Variants in SYT2 observed in about 807,000 individuals in gnomAD.
The protein encoded by SYT2 is synaptotagmin-2.
In SYT2, 15 loss-of-function variants were observed where a neutral mutation model predicts 39.9. The observed-to-expected ratio is 0.38, with a 90% CI of 0.25 to 0.58. The LOEUF (loss-of-function observed/expected upper bound fraction) is 0.58, where lower values mean the gene tolerates loss of function less well. SYT2 is among the 20% of genes least tolerant of loss of function. The pLI, the probability that SYT2 is intolerant of heterozygous loss-of-function variation, is 0.70. For missense variants in SYT2, 389 were observed against 530.3 expected, an observed-to-expected ratio of 0.73 and a Z score of 2.62; for synonymous variants, 181 against 204.5, an observed-to-expected ratio of 0.89 and a Z score of 0.98.
intron 1 of SYT2, among the ~76,000 whole-genome samples, chr1:202,616,347 C>T (rs1195358715): frequency 8.5e-5 from 13 of 152,102 alleles, no homozygotes; most frequent in Non-Finnish European, 1.8e-4. Context: ...CTTTGCCATC[C>T]CTGCCCTTTC....
intron 1 of SYT2, among the ~76,000 whole-genome samples, chr1:202,644,786 A>C (rs1399363125): frequency 6.6e-6 from 1 of 152,070 alleles, no homozygotes; most frequent in Non-Finnish European, 1.5e-5. Flanking sequence ...GAGTCTGGGG[A>C]ACCGGGAAAT....
intron 1 of SYT2, among the ~76,000 whole-genome samples, chr1:202,631,380 C>T (rs758469540): frequency 1.3e-5 from 2 of 152,224 alleles, no homozygotes; most frequent in Non-Finnish European, 2.9e-5. Context: ...GTAAACACAG[C>T]TAGCCTGCAT....
rs1006708367 is a variant in SYT2, at chr1:202,628,064, T to C, written c.-17-22275A>G. 6.6e-6 allele frequency among the ~76,000 whole-genome samples: 1 copy of C among 151,954 alleles called. No homozygotes were observed. Among genetic ancestry groups the C allele is most frequent in the Admixed American group, 6.6e-5 (1 of 15,264 alleles). On this transcript the variant is annotated intron_variant, in intron 1 of 8. Transcript: ENST00000367268. This position sits in a 1 kb window ranked among gnomAD's most constrained non-coding sequence, Gnocchi z 4.2. ...TGGGAAGGTGGGTCTAACGGGAAGA[T>C]CACAAAGGCACCGGGCTCAGAGGTG... is the stretch of plus-strand genomic sequence containing the variant.
intron 1 of SYT2, among the ~76,000 whole-genome samples, chr1:202,681,908 G>C (rs559838169): frequency 6.6e-6 from 1 of 152,288 alleles, no homozygotes; most frequent in Admixed American, 6.5e-5. Flanking sequence ...GCCTCCGTGG[G>C]GATCAGATCC....
intron 1 of SYT2, among the ~76,000 whole-genome samples, chr1:202,659,994 T>C (rs1159949086): frequency 1.3e-5 from 2 of 152,142 alleles, no homozygotes; most frequent in Non-Finnish European, 2.9e-5. Context: ...GGTCCTTCAA[T>C]GAAAACAAAC....
Position 202,602,533 on chromosome 1 carries a change from C to G in SYT2, c.478G>C (p.Val160Leu). The G allele has an allele frequency of 6.2e-7, 1 of 1,612,818 alleles. No homozygotes were observed. Among genetic ancestry groups the G allele is most frequent in the Non-Finnish European group, 8.5e-7 (1 of 1,179,584 alleles). Residue 160 changes from valine (V) to leucine (L), a missense_variant, in exon 5 of 9, where the codon GTT (valine) becomes CTT (leucine). Val to Leu is a conservative substitution (Grantham distance 32). This residue lies in a region of SYT2 where 280 missense variants were observed against 335.6 expected (regional missense o/e 0.83). Coordinates refer to ENST00000367268, the MANE Select transcript of SYT2 (RefSeq NM_177402.5). ...GCAGGCAGTTCAGCAGCCTGCAGAA[C>G]GCCCACAGTAAGCTGTGGAGAGAGA... ...DFQANQLTVG[V>L]LQAAELPALD...
chr1:202,617,234 C>T (rs559624043), intron 1 of SYT2, among the ~76,000 whole-genome samples: 45 of 152,334 alleles, frequency 3.0e-4, no homozygotes, highest in Admixed American at 2.7e-3. Context: ...GGATCTGTGT[C>T]CCTGCCCAAA....
chr1:202,681,629 C>T (rs1653527949), intron 1 of SYT2, among the ~76,000 whole-genome samples: 2 of 152,304 alleles, frequency 1.3e-5, no homozygotes, highest in East Asian at 1.9e-4. Flanking sequence ...GCAGGACCAG[C>T]CTAATGATCG....
In SYT2 at chr1:202,671,170, T is replaced by C. The variant is rs114013288; in HGVS notation, c.-18+39088A>G. Among the ~76,000 whole-genome samples the C allele has an allele frequency of 3.4e-3, 525 of 152,334 alleles. 1 individual carries two copies. The highest frequency in any genetic ancestry group is 0.012 in the African/African-American group (508 of 41,566). ...GCCCCTCCTTTTAGAAACAAAGTCA[T>C]GATCAGCCTTCCCCACCTTTGAGAA... On this transcript the variant is annotated intron_variant, in intron 1 of 8. Transcript: ENST00000367268.
At chr1:202,700,664 C>T (rs1340547073) in intron 1 of SYT2, among the ~76,000 whole-genome samples, 5 of 152,016 alleles carry the variant, frequency 3.3e-5, no homozygotes, top group African/African-American at 9.7e-5. Context: ...AAGAAGGAGG[C>T]CTTGTTTCAC....
chr1:202,629,893 TG>T (rs1268786705), intron 1 of SYT2, among the ~76,000 whole-genome samples: 4 of 71,846 alleles, frequency 5.6e-5, no homozygotes, highest in Non-Finnish European at 1.3e-4. Context: ...GTACGGCAGG[TG>T]TGTTGCTCAG....
intron 1 of SYT2, among the ~76,000 whole-genome samples, chr1:202,685,269 G>A (rs1653633255): frequency 6.6e-6 from 1 of 152,130 alleles, no homozygotes. Context: ...AGAAGAGGGG[G>A]CTGTTTAGAA....
intron 1 of SYT2, among the ~76,000 whole-genome samples, chr1:202,659,012 C>T (rs1692332122): frequency 6.6e-6 from 1 of 152,296 alleles, no homozygotes; most frequent in African/African-American, 2.4e-5. Flanking sequence ...AGGCAGAGGC[C>T]TTTAGACTCA....
At chr1:202,674,453 C>A (rs1339711793) in intron 1 of SYT2, among the ~76,000 whole-genome samples, 1 of 152,092 alleles carries the variant, frequency 6.6e-6, no homozygotes, top group African/African-American at 2.4e-5. Flanking sequence ...TCCATCTGAG[C>A]ATATGAACAT....
intron 1 of SYT2, among the ~76,000 whole-genome samples, chr1:202,673,301 T>C (rs1445638020): frequency 1.3e-5 from 2 of 152,208 alleles, no homozygotes; most frequent in African/African-American, 4.8e-5. Context: ...AGCTTCAGCG[T>C]TGGAACATGT....
chr1:202,648,830 A>C (rs1400946646), intron 1 of SYT2, among the ~76,000 whole-genome samples: 1 of 152,244 alleles, frequency 6.6e-6, no homozygotes, highest in Non-Finnish European at 1.5e-5. Flanking sequence ...GCAAGTCTGC[A>C]CAACAGGGCT....
At chr1:202,617,387 C>T (rs184459205) in intron 1 of SYT2, among the ~76,000 whole-genome samples, 100 of 152,180 alleles carry the variant, frequency 6.6e-4, no homozygotes, top group Admixed American at 2.3e-3. Context: ...CCCACTCCCT[C>T]GCCTCTTCCT....
At position 202,605,604 on chromosome 1, in the gene SYT2, T is replaced by C; in HGVS notation, c.169A>G (p.Lys57Glu). The C allele has an allele frequency of 6.2e-7, 1 of 1,613,872 alleles. No homozygotes were observed. The highest frequency in any genetic ancestry group is 1.1e-5 in the South Asian group (1 of 91,070). Reference sequence around the variant, plus strand: ...CACCAGAGACACTCACAGGGAATCTTGTTTATCTCATTGAATAACTTCTCC... The same window carrying C: ...CACCAGAGACACTCACAGGGAATCTCGTTTATCTCATTGAATAACTTCTCC... ...LKEKLFNEIN[K>E]IPLPPWALIA... The change falls in exon 2 of 9, where the codon AAG becomes GAG. Residue 57 changes from lysine to glutamate, a missense_variant. Coordinates refer to ENST00000367268, the MANE Select transcript of SYT2 (RefSeq NM_177402.5).
chr1:202,685,628 T>C (rs533629259), intron 1 of SYT2, among the ~76,000 whole-genome samples: 9 of 152,172 alleles, frequency 5.9e-5, no homozygotes, highest in Non-Finnish European at 1.2e-4. Context: ...AAAGAAAGTT[T>C]GAGGGAAATG....
Sources: gnomAD v4.1 joint callset for allele counts (sites outside exome capture counted in the v4.1 genomes callset) on GRCh38, gnomAD v4.1.1 for gene constraint, gnomAD v4.1.1 regional missense constraint, Gnocchi (gnomAD v3.1) non-coding constraint, MANE v1.5 for transcripts, NCBI Gene and HGNC (gene_info 2026-07-23, HGNC 2026-07-21) for gene names.